The following NELL2 variants were observed in gnomAD, a reference collection of about 807,000 sequenced individuals.
NELL2 encodes protein kinase C-binding protein NELL2.
Under a neutral mutation model 109.6 loss-of-function variants are expected in NELL2, and 41 were observed. The ratio of observed to expected loss-of-function variants is 0.37; its 90% confidence interval spans 0.29 to 0.49. The LOEUF is 0.49. Ranked by LOEUF, NELL2 falls within the 20% of genes least tolerant of loss-of-function variation. The pLI is 0.98. For missense variants in NELL2, 900 were observed against 1,008.3 expected (o/e 0.89, Z 1.45); for synonymous variants, 355 against 344.7 (o/e 1.03, Z -0.33).
At chr12:44,612,390 C>A (rs1488668837) in intron 13 of NELL2, among the ~76,000 whole-genome samples, 13 of 151,834 alleles carry the variant, frequency 8.6e-5, no homozygotes. Flanking sequence ...AGAAAGATTT[C>A]AATCACCAAG....
At chr12:44,620,952 C>A (rs1409766680) in intron 13 of NELL2, among the ~76,000 whole-genome samples, 4 of 152,124 alleles carry the variant, frequency 2.6e-5, no homozygotes, top group African/African-American at 9.7e-5. Flanking sequence ...ATTCTCTCTT[C>A]CTCTCTCTTA....
At chr12:44,794,049 T>C (rs1848636196) in intron 3 of NELL2, among the ~76,000 whole-genome samples, 1 of 151,858 alleles carries the variant, frequency 6.6e-6, no homozygotes, top group Admixed American at 6.6e-5. Flanking sequence ...CAGCCCTGGC[T>C]CCCCCCGTTG....
At chr12:44,665,329 A>G (rs1947885154) in intron 13 of NELL2, 155 bp downstream of exon 13, 1 of 579,642 alleles carries the variant, frequency 1.7e-6, no homozygotes, top group Admixed American at 3.5e-5. Flanking sequence ...TCTTTAGAAC[A>G]GATTAAGAAA....
intron 9 of NELL2, among the ~76,000 whole-genome samples, chr12:44,735,534 T>C (rs1939595509): frequency 6.6e-6 from 1 of 152,210 alleles, no homozygotes; most frequent in African/African-American, 2.4e-5. Flanking sequence ...AATTCCAGCT[T>C]ATTGTGATGA....
chr12:44,685,370 T>C (rs940162102), intron 12 of NELL2, among the ~76,000 whole-genome samples: 1 of 152,114 alleles, frequency 6.6e-6, no homozygotes, highest in Non-Finnish European at 1.5e-5. Flanking sequence ...CTTTATCCAA[T>C]TTGCCAGTCT....
chr12:44,833,161 G>A (rs1943937946), intron 2 of NELL2, among the ~76,000 whole-genome samples: 1 of 152,066 alleles, frequency 6.6e-6, no homozygotes, highest in East Asian at 1.9e-4. Flanking sequence ...GTTTTCTTTT[G>A]TTGTATAACA....
intron 13 of NELL2, among the ~76,000 whole-genome samples, chr12:44,612,672 C>G (rs1024838935): frequency 2.6e-5 from 4 of 151,974 alleles, no homozygotes; most frequent in African/African-American, 4.8e-5. Context: ...AATAAATCTA[C>G]ACTTTGAATG....
chr12:44,624,996 G>GTGTATATATA, intron 13 of NELL2, among the ~76,000 whole-genome samples: 2 of 71,126 alleles, frequency 2.8e-5, no homozygotes, highest in East Asian at 6.5e-4. Flanking sequence ...ATATGTGTGT[G>GTGTATATATA]TATATATATA....
intron 2 of NELL2, among the ~76,000 whole-genome samples, chr12:44,821,812 G>GCAACCTTC (rs1488303983): frequency 1.3e-5 from 2 of 151,844 alleles, no homozygotes; most frequent in Admixed American, 6.6e-5. Flanking sequence ...TCGCCTCCCA[G>GCAACCTTC]GTTCAACTGA....
chr12:44,547,685 T>A (rs1387667612), intron 15 of NELL2, among the ~76,000 whole-genome samples: 1 of 152,210 alleles, frequency 6.6e-6, no homozygotes, highest in Non-Finnish European at 1.5e-5. Flanking sequence ...ATGTGCTCCT[T>A]ACATAAATTA....
At chr12:44,805,445 T>C (rs961659905) in intron 3 of NELL2, among the ~76,000 whole-genome samples, 11 of 151,848 alleles carry the variant, frequency 7.2e-5, no homozygotes, top group Admixed American at 2.6e-4. Context: ...TCAGCATTGA[T>C]GGAGATTTGA....
chr12:44,687,419 T>G (rs1948760730), intron 12 of NELL2, among the ~76,000 whole-genome samples: 1 of 152,240 alleles, frequency 6.6e-6, no homozygotes, highest in Non-Finnish European at 1.5e-5. Context: ...TTCGGCCATC[T>G]TGGCTCCTCC....
chr12:44,869,794 A>G (rs1945112160), intron 2 of NELL2, among the ~76,000 whole-genome samples: 1 of 152,162 alleles, frequency 6.6e-6, no homozygotes, highest in Non-Finnish European at 1.5e-5. Context: ...TTTTCAGACT[A>G]GGTATTCCTA....
At chr12:44,779,403 T>C (rs1402150083) in intron 5 of NELL2, among the ~76,000 whole-genome samples, 1 of 152,182 alleles carries the variant, frequency 6.6e-6, no homozygotes, top group African/African-American at 2.4e-5. Context: ...GAAAGGTTAA[T>C]TCAAAGAATG....
At chr12:44,610,761 C>T (rs1945588923) in intron 14 of NELL2, 87 bp downstream of exon 14, 4 of 1,560,842 alleles carry the variant, frequency 2.6e-6, no homozygotes, top group African/African-American at 1.4e-5. Context: ...CTGGAATGTA[C>T]ATAACAGTAA....
intron 9 of NELL2, among the ~76,000 whole-genome samples, chr12:44,749,250 A>G (rs1566305214): frequency 6.6e-6 from 1 of 152,192 alleles, no homozygotes; most frequent in Non-Finnish European, 1.5e-5. Flanking sequence ...GAACTACTGT[A>G]AAGGTGAGAA....
intron 2 of NELL2, among the ~76,000 whole-genome samples, chr12:44,832,882 C>T (rs573804111): frequency 6.6e-6 from 1 of 152,318 alleles, no homozygotes; most frequent in South Asian, 2.1e-4. Flanking sequence ...CTAAGATTAA[C>T]ATCTCCCTAG....
At chr12:44,606,979 G>A (rs557901776) in intron 15 of NELL2, among the ~76,000 whole-genome samples, 190 bp downstream of exon 15, 22 of 152,222 alleles carry the variant, frequency 1.4e-4, no homozygotes, top group Admixed American at 3.9e-4. Flanking sequence ...AACCTTTTTA[G>A]AGTGACTTTG....
intron 3 of NELL2, among the ~76,000 whole-genome samples, chr12:44,811,151 A>G (rs577435580): frequency 5.9e-5 from 9 of 151,724 alleles, no homozygotes; most frequent in Non-Finnish European, 1.3e-4. Context: ...ACAGGGAGGG[A>G]AACATCACAC....
Sources: gnomAD v4.1 joint callset for allele counts (sites outside exome capture counted in the v4.1 genomes callset) on GRCh38, gnomAD v4.1.1 for gene constraint, MANE v1.5 for transcripts, NCBI Gene and HGNC (gene_info 2026-07-23, HGNC 2026-07-21) for gene names.